RHBDF2: variants seen among roughly 807,000 people sequenced by gnomAD.
RHBDF2 encodes rhomboid 5 homolog 2.
Under a neutral mutation model 95.2 loss-of-function variants are expected in RHBDF2, and 38 were observed. The ratio of observed to expected loss-of-function variants is 0.40; its 90% CI spans 0.31 to 0.52. The LOEUF (loss-of-function observed/expected upper bound fraction) is 0.52. Among genes scored for constraint, RHBDF2 ranks in the 20% least tolerant of loss-of-function variants. The probability of loss-of-function intolerance (pLI) is 0.56; values close to 1 mark genes in which losing one functional copy is unlikely to be tolerated. For synonymous variants in RHBDF2, 442 were observed against 462.0 expected, an observed-to-expected ratio of 0.96 and a Z score of 0.55; for missense variants, 863 against 1,137.7, an observed-to-expected ratio of 0.76 and a Z score of 3.47.
At chr17:76,481,881 G>A in intron 2 of RHBDF2, 3 of 202,942 alleles carry the variant, frequency 1.5e-5, no homozygotes, top group South Asian at 1.7e-4. Context: ...AACCCAGGAG[G>A]CAGCGGTTAT....
chr17:76,489,708 AT>A (rs66941919), intron 1 of RHBDF2, among the ~76,000 whole-genome samples: 138,313 of 152,240 alleles, frequency 0.91, 64,301 homozygotes, highest in East Asian at 1. Flanking sequence ...GCCGGGCAGG[AT>A]TTAAGTCCTT....
rs141665364 is a variant in RHBDF2 at position 76,489,214 on chromosome 17, A to G, written c.-219-1305T>C. 7.2e-5 allele frequency among the ~76,000 whole-genome samples: 11 copies of G among 152,332 alleles called. No homozygotes were observed. In the East Asian group the frequency reaches 2.1e-3, roughly 29 times the overall value. Reference sequence around the variant, plus strand: ...AACTGCCTTCTGATACTTAAGGCAAAGTTCAAATGATCTGGAAGTGTTTTG... The same window carrying G: ...AACTGCCTTCTGATACTTAAGGCAAGGTTCAAATGATCTGGAAGTGTTTTG... On this transcript the variant is annotated intron_variant, in intron 1 of 18. Transcript: ENST00000675367.
chr17:76,491,594 G>C (rs1567889989), intron 1 of RHBDF2, among the ~76,000 whole-genome samples: 1 of 152,206 alleles, frequency 6.6e-6, no homozygotes, highest in Admixed American at 6.5e-5. Context: ...TCCACCCTCT[G>C]GCCTCAGTTC....
intron 2 of RHBDF2, among the ~76,000 whole-genome samples, chr17:76,485,583 G>A (rs1216681202): frequency 6.6e-6 from 1 of 152,080 alleles, no homozygotes; most frequent in African/African-American, 2.4e-5. Context: ...GACAGAGTGA[G>A]ACTCCGTCTC....
At position 76,472,068 on chromosome 17, in the gene RHBDF2, G is replaced by T; in HGVS notation, c.2065-16C>A. On this transcript the variant is annotated splice_polypyrimidine_tract_variant and intron_variant, in intron 18 of 18. Transcript: ENST00000675367. ...CCGGGCCCACCTGGGGCGGGGCAGGGGAGACGTGGCTTCAGGCATCAGGTG... is the reference window on the plus strand; with the variant it reads ...CCGGGCCCACCTGGGGCGGGGCAGGTGAGACGTGGCTTCAGGCATCAGGTG... 10 of 1,541,466 alleles carry T rather than the reference G, an allele frequency of 6.5e-6. No homozygotes were observed. The highest frequency in any genetic ancestry group is 8.7e-6 in the Non-Finnish European group (10 of 1,143,974).
At position 76,479,453 on chromosome 17, in the gene RHBDF2, G is replaced by A. The variant is rs543263575; in HGVS notation, c.273-176C>T. The A allele has an allele frequency of 4.1e-6, 4 of 987,534 alleles. No homozygotes were observed. The East Asian group carries it at 1.0e-4, about 26-fold the overall frequency. 61.2% of individuals were successfully genotyped at this position (987,534 alleles called of 1,614,324 possible). A position where few individuals can be genotyped will look rare whatever the true frequency, so the allele number is the denominator to read the frequency against. ...GACCAGATGAGCAGAAGCAGGGGAT[G>A]ACGGGAGCGTGAGGAGCCAGGCTAG... is the stretch of plus-strand genomic sequence containing the variant. On this transcript the variant is annotated intron_variant, in intron 4 of 18. Coordinates refer to ENST00000675367, the MANE Select transcript of RHBDF2 (RefSeq NM_001005498.4).
At chr17:76,485,179 G>A (rs973602981) in intron 2 of RHBDF2, among the ~76,000 whole-genome samples, 1 of 152,108 alleles carries the variant, frequency 6.6e-6, no homozygotes, top group South Asian at 2.1e-4. Flanking sequence ...AGGCCGAGGC[G>A]GGCGGATCAC....
chr17:76,479,846 G>A lies in RHBDF2; in HGVS notation c.159C>T (p.Asn53=). ...GGCTGACGCTCTTCAAGTAGGCTGG[G>A]TTCTTCCTCTTGGGGAGGAAGGAGG... ...EQDSMLPERK[N]PAYLKSVSLQ... is the part of the protein sequence containing the mutation. The change falls in exon 4 of 19, where the codon AAC becomes AAT. Residue 53 remains asparagine, a synonymous_variant. Coordinates refer to ENST00000675367, the MANE Select transcript of RHBDF2 (RefSeq NM_001005498.4). 6.2e-7 allele frequency: 1 copy of A among 1,612,836 alleles called. No homozygotes were observed. Among genetic ancestry groups the A allele is most frequent in the Non-Finnish European group, 8.5e-7 (1 of 1,179,652 alleles).
rs1017911290 is a variant in RHBDF2, at chr17:76,472,947, G to A, written c.1910+58C>T. 4.4e-6 allele frequency: 7 copies of A among 1,600,090 alleles called. No homozygotes were observed. The African/African-American group carries it at 9.4e-5, about 21-fold the overall frequency. ...CCTGGCCCAGGAACCTTTCCCCAGG[G>A]GTCCGGCTGGGTGGCCATCACAGGG... is the stretch of plus-strand genomic sequence containing the variant. On this transcript the variant is annotated intron_variant, in intron 17 of 18. Transcript: ENST00000675367.
chr17:76,474,652 G>A (rs2144073603), intron 11 of RHBDF2, 78 bp downstream of exon 11: 1 of 1,612,614 alleles, frequency 6.2e-7, no homozygotes, highest in Non-Finnish European at 8.5e-7. Flanking sequence ...GGTGGGTGAG[G>A]AGCCCACCTG....
Position 76,479,728 on chromosome 17 carries a change from C to G in RHBDF2, c.272+5G>C, listed in dbSNP as rs2073890932. ...GGTGCTGGGCTTGGGTGTAGGGGGG[C>G]TCACTTGCGGATGCTCTGGGACAGT... On this transcript the variant is annotated splice_donor_5th_base_variant and intron_variant, in intron 4 of 18. Coordinates refer to ENST00000675367, the MANE Select transcript of RHBDF2 (RefSeq NM_001005498.4). 2.5e-6 allele frequency: 4 copies of G among 1,603,976 alleles called. No homozygotes were observed. The highest frequency in any genetic ancestry group is 3.4e-6 in the Non-Finnish European group (4 of 1,178,164).
At chr17:76,481,259 C>G in intron 3 of RHBDF2, 116 bp downstream of exon 3, 1 of 1,213,850 alleles carries the variant, frequency 8.2e-7, no homozygotes, top group South Asian at 1.4e-5. Context: ...GCTGCACAGA[C>G]AGCAGCTGTG....
intron 1 of RHBDF2, chr17:76,493,036 G>C (rs1040095333): frequency 6.6e-6 from 1 of 152,340 alleles, no homozygotes; most frequent in African/African-American, 2.4e-5. Flanking sequence ...GCCTGGCTCC[G>C]GAGCCGCGGG....
chr17:76,496,101 G>T (rs1347902813), intron 1 of RHBDF2, among the ~76,000 whole-genome samples: 2 of 152,200 alleles, frequency 1.3e-5, no homozygotes, highest in Admixed American at 1.3e-4. Context: ...TGGGCAAGTG[G>T]GTGCTGCAGA....
At chr17:76,495,045 G>C (rs1299373252) in intron 1 of RHBDF2, among the ~76,000 whole-genome samples, 1 of 152,068 alleles carries the variant, frequency 6.6e-6, no homozygotes, top group East Asian at 1.9e-4. Context: ...AGGGTTTCCG[G>C]GGTGGGGTGT....
Position 76,479,802 on chromosome 17 carries a change from C to A in RHBDF2, c.203G>T (p.Arg68Leu). 6.2e-7 allele frequency: 1 copy of A among 1,613,246 alleles called. No homozygotes were observed. Among genetic ancestry groups the A allele is most frequent in the Non-Finnish European group, 8.5e-7 (1 of 1,179,834 alleles). Residue 68 changes from arginine (R) to leucine (L), a missense_variant, in exon 4 of 19, where the codon CGA (arginine) becomes CTA (leucine). This residue lies in a region of RHBDF2 where 611 missense variants were observed against 725.5 expected (regional missense o/e 0.84). Coordinates refer to ENST00000675367, the MANE Select transcript of RHBDF2 (RefSeq NM_001005498.4). Reference sequence around the variant, plus strand: ...GCGCTTCTCTGAACTCTCCTGCCATCGGCTGCGTGGCTCCTGGAGGCTGAC... The same window carrying A: ...GCGCTTCTCTGAACTCTCCTGCCATAGGCTGCGTGGCTCCTGGAGGCTGAC... ...KSVSLQEPRS[R>L]WQESSEKRPG... is the part of the protein sequence containing the mutation.
At chr17:76,489,559 G>A (rs1460970958) in intron 1 of RHBDF2, among the ~76,000 whole-genome samples, 2 of 152,134 alleles carry the variant, frequency 1.3e-5, no homozygotes, top group African/African-American at 2.4e-5. Context: ...CCCTGACCTC[G>A]TGATCCGCCT....
At chr17:76,474,348 G>A (rs1196902991) in intron 12 of RHBDF2, 25 bp downstream of exon 12, 4 of 1,606,060 alleles carry the variant, frequency 2.5e-6, no homozygotes, top group Non-Finnish European at 2.6e-6. Flanking sequence ...GTCTGGCAGG[G>A]GTAGGAGGGA....
chr17:76,477,694 T>G lies in RHBDF2; in HGVS notation c.764A>C (p.Asp255Ala). The G allele has an allele frequency of 6.2e-7, 1 of 1,614,062 alleles. No homozygotes were observed. Among genetic ancestry groups the G allele is most frequent in the Non-Finnish European group, 8.5e-7 (1 of 1,180,008 alleles). The change falls in exon 7 of 19, where the codon GAT becomes GCT. Residue 255 changes from aspartate (D) to alanine (A), a missense_variant. Asp to Ala is a moderately radical substitution (Grantham distance 126). Around this residue, in one of 2 missense-constraint regions of RHBDF2, gnomAD observed 611 missense variants for 725.5 expected, o/e 0.84. Coordinates refer to ENST00000675367, the MANE Select transcript of RHBDF2 (RefSeq NM_001005498.4). Reference protein sequence around the residue: ...FPSFLEEDVVDGADTFDSSFF... With the variant: ...FPSFLEEDVVAGADTFDSSFF... ...GGAGGAGTCAAACGTGTCTGCCCCA[T>G]CGACCACATCCTCCTCCAGGAAGCT...
Sources: allele counts gnomAD v4.1 joint callset (sites outside exome capture counted in the v4.1 genomes callset), GRCh38; gene constraint gnomAD v4.1.1; regional missense constraint gnomAD v4.1.1; transcripts MANE v1.5; gene names NCBI Gene and HGNC (gene_info 2026-07-23, HGNC 2026-07-21).